The following SMAP1 variants were observed in gnomAD, a reference collection of about 807,000 sequenced individuals.
The protein encoded by SMAP1 is small ArfGAP 1, also known as stromal membrane-associated protein 1.
SMAP1 carries 24 observed loss-of-function variants against 58.5 expected under a neutral mutation model. That is an observed-to-expected ratio of 0.41 (90% CI 0.30 to 0.58). The LOEUF (loss-of-function observed/expected upper bound fraction) is 0.58. Ranked by LOEUF, SMAP1 falls within the 20% of genes least tolerant of loss-of-function variation. The pLI, the probability that SMAP1 is intolerant of heterozygous loss-of-function variation, is 0.29. For synonymous variants in SMAP1, 216 were observed against 196.6 expected, an observed-to-expected ratio of 1.10 and a Z score of -0.82; for missense variants, 563 against 566.3, an observed-to-expected ratio of 0.99 and a Z score of 0.06.
At chr6:70,814,502 C>T (rs1009622971) in intron 6 of SMAP1, among the ~76,000 whole-genome samples, 1 of 152,092 alleles carries the variant, frequency 6.6e-6, no homozygotes, top group Non-Finnish European at 1.5e-5. Context: ...GAAACTTTCC[C>T]TTTTAGATTT....
At chr6:70,681,348 C>T (rs1288668406) in intron 1 of SMAP1, among the ~76,000 whole-genome samples, 1 of 152,086 alleles carries the variant, frequency 6.6e-6, no homozygotes, top group Non-Finnish European at 1.5e-5. Flanking sequence ...AGGAGGATCT[C>T]CTGAGGAGGT....
At chr6:70,825,395 G>A (rs1213802949) in intron 6 of SMAP1, among the ~76,000 whole-genome samples, 2 of 151,956 alleles carry the variant, frequency 1.3e-5, no homozygotes, top group African/African-American at 4.8e-5. Flanking sequence ...TCATAGTTTT[G>A]CTAATAAGTG....
chr6:70,704,667 T>G (rs551629143), intron 1 of SMAP1, among the ~76,000 whole-genome samples: 4 of 152,304 alleles, frequency 2.6e-5, no homozygotes, highest in African/African-American at 9.6e-5. Context: ...CACAGTTGTA[T>G]TTGTTAAAAA....
intron 1 of SMAP1, among the ~76,000 whole-genome samples, chr6:70,708,932 T>G (rs1486988664): frequency 6.6e-6 from 1 of 152,230 alleles, no homozygotes; most frequent in Non-Finnish European, 1.5e-5. Context: ...ATTTTGTTGA[T>G]TGTTTCCTTT....
At position 70,781,871 on chromosome 6, in the gene SMAP1, T is replaced by C. The variant is rs566812173; in HGVS notation, c.414+8446T>C. 4.6e-5 allele frequency among the ~76,000 whole-genome samples: 7 copies of C among 152,290 alleles called. No individual in the cohort carries two copies. In the East Asian group the frequency reaches 1.3e-3, roughly 29 times the overall value. On this transcript the variant is annotated intron_variant, in intron 4 of 10. Coordinates refer to ENST00000370455, the MANE Select transcript of SMAP1 (RefSeq NM_001044305.3). ...TTTGCATGAGGTAAGTTTATACAATTGTAGTGTTCTGGGAGTTTTTTCACA... is the reference window on the plus strand; with the variant it reads ...TTTGCATGAGGTAAGTTTATACAATCGTAGTGTTCTGGGAGTTTTTTCACA...
intron 6 of SMAP1, among the ~76,000 whole-genome samples, chr6:70,805,171 T>A (rs183763485): frequency 6.6e-6 from 1 of 152,262 alleles, no homozygotes; most frequent in Admixed American, 6.5e-5. Context: ...TCATATAGTT[T>A]CATATTTCTT....
intron 6 of SMAP1, among the ~76,000 whole-genome samples, chr6:70,820,487 G>A (rs559830896): frequency 4.9e-4 from 74 of 152,198 alleles, no homozygotes; most frequent in African/African-American, 1.6e-3. Flanking sequence ...CGAGGCGGGC[G>A]GATCATGAGG....
chr6:70,822,136 A>T (rs1769917654), intron 6 of SMAP1, among the ~76,000 whole-genome samples: 1 of 152,112 alleles, frequency 6.6e-6, no homozygotes. Flanking sequence ...GAATATATAC[A>T]CTTTGATAGA....
At chr6:70,826,544 G>C (rs1770127280) in intron 6 of SMAP1, among the ~76,000 whole-genome samples, 2 of 152,028 alleles carry the variant, frequency 1.3e-5, no homozygotes, top group African/African-American at 4.8e-5. Context: ...CAGGTGGATT[G>C]CTTGAGCTTA....
In SMAP1 at chr6:70,856,875, C is replaced by G; in HGVS notation, c.806C>G (p.Pro269Arg). 1 of 1,612,140 alleles carries G rather than the reference C, an allele frequency of 6.2e-7. No individual in the cohort carries two copies. The change falls in exon 9 of 11, where the codon CCA becomes CGA. Residue 269 changes from proline to arginine, a missense_variant. This residue lies in a region of SMAP1 where 494 missense variants were observed against 473.8 expected (regional missense o/e 1.04). Transcript: ENST00000370455. ...MPPAQGTPSA[P>R]AAATLSTVTS... is the part of the protein sequence containing the mutation. ...TTGTCTCAGGGGACACCCTCTGCAC[C>G]AGCAGCTGCAACCCTGTCTACAGTA...
chr6:70,773,330 C>A lies in SMAP1; in HGVS notation c.339-20C>A. On this transcript the variant is annotated intron_variant, in intron 3 of 10. Coordinates refer to ENST00000370455, the MANE Select transcript of SMAP1 (RefSeq NM_001044305.3). ...ACATATCACTGAATTCATGCTTTTC[C>A]TTAAGTTATCTGTTTTCAGAGCAGT... 1 of 1,472,490 alleles carries A rather than the reference C, an allele frequency of 6.8e-7. No individual in the cohort carries two copies. The highest frequency in any genetic ancestry group is 9.4e-7 in the Non-Finnish European group (1 of 1,064,114). The allele number at this position is 1,472,490 out of a possible 1,614,324, so 91.2% of individuals were successfully genotyped here. A position where few individuals can be genotyped will look rare whatever the true frequency, so the allele number is the denominator to read the frequency against.
chr6:70,746,901 A>C (rs1283559278), intron 2 of SMAP1, among the ~76,000 whole-genome samples: 1 of 152,174 alleles, frequency 6.6e-6, no homozygotes, highest in Non-Finnish European at 1.5e-5. Flanking sequence ...GAACTGAGAG[A>C]GAATAAATAA....
At chr6:70,688,133 A>G (rs566222395) in intron 1 of SMAP1, among the ~76,000 whole-genome samples, 117 of 152,300 alleles carry the variant, frequency 7.7e-4, no homozygotes, top group African/African-American at 2.7e-3. Context: ...GCGTCTGTTA[A>G]TAGTTCTTTT....
chr6:70,674,180 T>A (rs183304760), intron 1 of SMAP1, among the ~76,000 whole-genome samples: 2 of 151,938 alleles, frequency 1.3e-5, no homozygotes, highest in Admixed American at 6.6e-5. Flanking sequence ...GAGTGCGATG[T>A]AGGCTCTCTG....
chr6:70,853,251 C>G lies in SMAP1; in HGVS notation c.789+587C>G, dbSNP rs1049675328. Among the ~76,000 whole-genome samples the G allele has an allele frequency of 2.0e-5, 3 of 151,224 alleles. No individual in the cohort carries two copies. The East Asian group carries it at 5.8e-4, about 29-fold the overall frequency. On this transcript the variant is annotated intron_variant, in intron 8 of 10. Transcript: ENST00000370455. The stretch of plus-strand genomic sequence containing the variant: ...AATCTAGAACAGTAATAATAATGAT[C>G]GGGATATTTTAATAAAAGTATTAAT...
chr6:70,787,553 G>A (rs976320562), intron 4 of SMAP1, among the ~76,000 whole-genome samples: 4 of 152,100 alleles, frequency 2.6e-5, no homozygotes, highest in African/African-American at 9.7e-5. Context: ...CTACTCATCT[G>A]ACAAAGGGCT....
intron 3 of SMAP1, among the ~76,000 whole-genome samples, chr6:70,760,687 T>C (rs1766711584): frequency 6.6e-6 from 1 of 152,066 alleles, no homozygotes. Context: ...CTAACATTTC[T>C]GTAGTTTTAT....
chr6:70,857,642 T>C, intron 9 of SMAP1: 1 of 421,938 alleles, frequency 2.4e-6, no homozygotes, highest in Non-Finnish European at 4.3e-6. Flanking sequence ...TCATGCTACA[T>C]AGTTTGGTCT....
chr6:70,732,491 T>A lies in SMAP1; in HGVS notation c.232T>A (p.Trp78Arg). 1 of 1,600,496 alleles carries A rather than the reference T, an allele frequency of 6.2e-7. No homozygotes were observed. Among genetic ancestry groups the A allele is most frequent in the Non-Finnish European group, 8.5e-7 (1 of 1,172,722 alleles). Reference sequence around the variant, plus strand: ...GGTCAAATCAGTCAACCTAGACCAATGGACAGCAGAACAGATACAGGTAAA... The same window carrying A: ...GGTCAAATCAGTCAACCTAGACCAAAGGACAGCAGAACAGATACAGGTAAA... Reference protein sequence around the residue: ...SRVKSVNLDQWTAEQIQCMQD... With the variant: ...SRVKSVNLDQRTAEQIQCMQD... Residue 78 changes from tryptophan (W) to arginine (R), a missense_variant, in exon 2 of 11, where the codon TGG becomes AGG. By Grantham distance (101) the Trp-to-Arg change is moderately radical. Transcript: ENST00000370455.
Sources: allele counts gnomAD v4.1 joint callset (sites outside exome capture counted in the v4.1 genomes callset), GRCh38; gene constraint gnomAD v4.1.1; regional missense constraint gnomAD v4.1.1; transcripts MANE v1.5; gene names NCBI Gene and HGNC (gene_info 2026-07-23, HGNC 2026-07-21).